DLGAP2: variants seen among roughly 807,000 people sequenced by gnomAD.
DLGAP2 encodes the protein disks large-associated protein 2.
Under a neutral mutation model 100.3 loss-of-function variants are expected in DLGAP2, and 26 were observed. The ratio of observed to expected loss-of-function variants is 0.26; its 90% confidence interval spans 0.19 to 0.36. The LOEUF is 0.36. Among genes scored for constraint, DLGAP2 ranks in the 10% least tolerant of loss-of-function variants. The probability of loss-of-function intolerance (pLI) is 1.00; values close to 1 mark genes in which losing one functional copy is unlikely to be tolerated. For synonymous variants in DLGAP2, 886 were observed against 630.1 expected, an observed-to-expected ratio of 1.41 and a Z score of -6.08; for missense variants, 1,858 against 1,453.2, an observed-to-expected ratio of 1.28 and a Z score of -4.53.
At chr8:1,071,061 GT>G (rs1290078418) in intron 2 of DLGAP2, among the ~76,000 whole-genome samples, 2 of 152,198 alleles carry the variant, frequency 1.3e-5, no homozygotes, top group African/African-American at 4.8e-5. Context: ...AGGGTCCTGT[GT>G]TTCGGGGGCG....
chr8:846,572 A>G (rs961827701), intron 1 of DLGAP2, among the ~76,000 whole-genome samples: 11 of 152,220 alleles, frequency 7.2e-5, no homozygotes, highest in Non-Finnish European at 1.6e-4. Context: ...TATCTTGGAT[A>G]TGATGAATAG....
chr8:737,875 C>A, intron 1 of DLGAP2, 50 bp downstream of exon 1: 1 of 372,534 alleles, frequency 2.7e-6, no homozygotes. Flanking sequence ...CTCCGAGAGC[C>A]GTCGAGGCGG....
chr8:851,065 T>C (rs1315009689), intron 1 of DLGAP2, among the ~76,000 whole-genome samples: 1 of 152,174 alleles, frequency 6.6e-6, no homozygotes, highest in Non-Finnish European at 1.5e-5. Context: ...AACAACATGT[T>C]TTTAACATAT....
chr8:852,842 A>G (rs17739698), intron 1 of DLGAP2, among the ~76,000 whole-genome samples: 16,565 of 152,248 alleles, frequency 0.11, 1,371 homozygotes, highest in Admixed American at 0.26. Context: ...TTGCTTCACA[A>G]AAGGACCTCA....
intron 2 of DLGAP2, among the ~76,000 whole-genome samples, chr8:952,575 T>C (rs1359984087): frequency 6.6e-6 from 1 of 152,050 alleles, no homozygotes; most frequent in African/African-American, 2.4e-5. Context: ...AGATGGAAGC[T>C]GCAGTGAGCT....
At chr8:1,037,077 T>C (rs1051474910) in intron 2 of DLGAP2, among the ~76,000 whole-genome samples, 2 of 152,126 alleles carry the variant, frequency 1.3e-5, no homozygotes, top group African/African-American at 2.4e-5. Flanking sequence ...ACAGGCATGC[T>C]GTGTCCCTGG....
At chr8:1,630,105 A>G (rs894488782) in intron 7 of DLGAP2, among the ~76,000 whole-genome samples, 3 of 152,152 alleles carry the variant, frequency 2.0e-5, no homozygotes, top group Non-Finnish European at 4.4e-5. Flanking sequence ...GTTCTATGGC[A>G]TTACTTTAAA....
At position 1,678,544 on chromosome 8, in the gene DLGAP2, G is replaced by A; in HGVS notation, c.2619G>A (p.Lys873=). 1 of 1,595,146 alleles carries A rather than the reference G, an allele frequency of 6.3e-7. No individual in the cohort carries two copies. The highest frequency in any genetic ancestry group is 8.5e-7 in the Non-Finnish European group (1 of 1,171,104). Residue 873 remains lysine, a synonymous_variant, in exon 12 of 15, where the codon AAG becomes AAA. Coordinates refer to ENST00000637795, the MANE Select transcript of DLGAP2 (RefSeq NM_001346810.2). ...GCAGGGATGGCTCGTGGTTTTTGAA[G>A]CTGCTGCACGCAGAGACAAAGAGGA... The part of the protein sequence containing the change: ...PCRRDGSWFL[K]LLHAETKRME...
chr8:1,380,957 A>AAAAAT (rs1343128267), intron 3 of DLGAP2: 55 of 148,616 alleles, frequency 3.7e-4, no homozygotes, highest in African/African-American at 1.4e-3. Flanking sequence ...AAAAAAAAAA[A>AAAAAT]AAACACCCAA....
intron 3 of DLGAP2, among the ~76,000 whole-genome samples, chr8:1,276,657 A>G (rs1345773665): frequency 6.6e-6 from 1 of 150,978 alleles, no homozygotes; most frequent in African/African-American, 2.4e-5. Context: ...ACACGTCCCC[A>G]GACTCCTCTA....
intron 1 of DLGAP2, 67 bp from the exon 2 acceptor site, chr8:907,845 A>G (rs920995671): frequency 1.0e-5 from 4 of 398,350 alleles, no homozygotes; most frequent in Non-Finnish European, 1.8e-5. Context: ...CACTCGCAAC[A>G]GTTAATGAGA....
chr8:1,460,134 G>A (rs1006377777), intron 3 of DLGAP2, among the ~76,000 whole-genome samples: 6 of 152,140 alleles, frequency 3.9e-5, no homozygotes, highest in African/African-American at 4.8e-5. Flanking sequence ...CTGCGGCCCC[G>A]GGCTTCTGTC....
rs1388964667 is a variant in DLGAP2 at position 1,360,807 on chromosome 8, GA to G, written c.106+101927del. On this transcript the variant is annotated intron_variant, in intron 3 of 14. Transcript: ENST00000637795. ...TGACACGGTTGCCCAGAGGCACGAG[GA>G]AACAGTCGCCCTGAGGCAGGGCGTG... 4.6e-5 allele frequency among the ~76,000 whole-genome samples: 7 copies of G among 152,308 alleles called. No homozygotes were observed. The East Asian group carries it at 1.4e-3, about 29-fold the overall frequency.
chr8:1,005,441 C>G (rs1317367118), intron 2 of DLGAP2, among the ~76,000 whole-genome samples: 1 of 137,882 alleles, frequency 7.3e-6, no homozygotes. Flanking sequence ...TGGGGTCTTG[C>G]TCTGTCACCC....
In DLGAP2 at chr8:1,651,708, A is replaced by C. The variant is rs889615521; in HGVS notation, c.1811-16621A>C. 2.0e-4 allele frequency among the ~76,000 whole-genome samples: 30 copies of C among 152,314 alleles called. 1 individual carries two copies. The highest frequency in any genetic ancestry group is 1.8e-3 in the Admixed American group (27 of 15,302). ...AGGCTGTGTAGCCCTCCCCATGTGA[A>C]ATAACAGGGGAAGATGTCTGACTTA... On this transcript the variant is annotated intron_variant, in intron 8 of 14. Transcript: ENST00000637795.
At chr8:1,476,238 T>A (rs1286459488) in intron 3 of DLGAP2, among the ~76,000 whole-genome samples, 2 of 152,242 alleles carry the variant, frequency 1.3e-5, no homozygotes, top group African/African-American at 4.8e-5. Flanking sequence ...TAGTTCCATT[T>A]CTGTACGTTT....
intron 5 of DLGAP2, among the ~76,000 whole-genome samples, chr8:1,559,115 G>A (rs779294066): frequency 1.3e-5 from 2 of 152,134 alleles, no homozygotes; most frequent in East Asian, 1.9e-4. Flanking sequence ...GTATGCTTAT[G>A]TCACCCTTAT....
At chr8:1,180,087 C>G (rs1797346969) in intron 2 of DLGAP2, among the ~76,000 whole-genome samples, 2 of 152,180 alleles carry the variant, frequency 1.3e-5, no homozygotes, top group African/African-American at 4.8e-5. Context: ...GTATCAATTC[C>G]ATAACATTCA....
chr8:1,500,287 C>G (rs1029274523), intron 3 of DLGAP2, among the ~76,000 whole-genome samples: 3 of 152,256 alleles, frequency 2.0e-5, no homozygotes, highest in African/African-American at 7.2e-5. Flanking sequence ...CGGGCAGAGC[C>G]TCCCTGAGAT....
Sources: allele counts gnomAD v4.1 joint callset (sites outside exome capture counted in the v4.1 genomes callset), GRCh38; gene constraint gnomAD v4.1.1; transcripts MANE v1.5; gene names NCBI Gene and HGNC (gene_info 2026-07-23, HGNC 2026-07-21).